The following UMAD1 variants were observed in gnomAD, a reference collection of about 807,000 sequenced individuals.
UMAD1 encodes the protein UBAP1-MVB12-associated (UMA)-domain containing protein 1.
A neutral mutation model predicts 6.1 loss-of-function variants in UMAD1; 8 were observed. The ratio of observed to expected loss-of-function variants is 1.30; its 90% confidence interval spans 0.76 to 2.35. UMAD1 has a LOEUF of 2.35. Among genes scored for constraint, UMAD1 ranks in the 30% most tolerant of loss-of-function variants. UMAD1 has a pLI of 0.00. For synonymous variants in UMAD1, 56 were observed against 31.4 expected (o/e 1.78, Z -2.61); for missense variants, 130 against 78.4 (o/e 1.66, Z -2.49).
intron 2 of UMAD1, among the ~76,000 whole-genome samples, chr7:7,708,308 T>C (rs28912693): frequency 2.0e-5 from 3 of 152,218 alleles, no homozygotes; most frequent in Non-Finnish European, 2.9e-5. Context: ...GTTTACTAGT[T>C]AATGTTGAAT....
intron 3 of UMAD1, among the ~76,000 whole-genome samples, chr7:7,808,788 C>T (rs1165709464): frequency 6.6e-6 from 1 of 151,860 alleles, no homozygotes; most frequent in Non-Finnish European, 1.5e-5. Context: ...CCCCACAAAA[C>T]CATAATTCCA....
At chr7:7,681,216 A>G (rs149906802) in intron 2 of UMAD1, among the ~76,000 whole-genome samples, 1 of 152,232 alleles carries the variant, frequency 6.6e-6, no homozygotes, top group Non-Finnish European at 1.5e-5. Context: ...ATGTTGTTTA[A>G]GCTATAAATT....
chr7:7,692,587 T>C (rs1780198201), intron 2 of UMAD1: 1 of 152,196 alleles, frequency 6.6e-6, no homozygotes, highest in African/African-American at 2.4e-5. Flanking sequence ...TAATTTATCA[T>C]CAAAACACAA....
chr7:7,676,190 T>C (rs1779733916), intron 2 of UMAD1: 1 of 398,676 alleles, frequency 2.5e-6, no homozygotes, highest in Non-Finnish European at 4.4e-6. Flanking sequence ...CTCCACGACT[T>C]ACTCTCTACC....
At chr7:7,845,912 G>A (rs1055926554) in intron 3 of UMAD1, among the ~76,000 whole-genome samples, 1 of 152,008 alleles carries the variant, frequency 6.6e-6, no homozygotes, top group Non-Finnish European at 1.5e-5. Context: ...AAGGCCTCCA[G>A]GCTATGTATT....
At chr7:7,720,414 C>G (rs544125449) in intron 2 of UMAD1, among the ~76,000 whole-genome samples, 3 of 152,190 alleles carry the variant, frequency 2.0e-5, no homozygotes, top group Admixed American at 1.3e-4. Flanking sequence ...GTGTCCCAGG[C>G]ATCTGTGTTT....
rs150411259 is a variant in UMAD1 at position 7,835,462 on chromosome 7, C to CTTTTTTTTTTTTTTTTTTTTTTT, written c.156+33735_156+33757dup. On this transcript the variant is annotated intron_variant, in intron 3 of 3. Transcript: ENST00000682710. ...CATTCATTCACTCATTGAAACAGCA[C>CTTTTTTTTTTTTTTTTTTTTTTT]TTTTTTTTTTTTTTTTTTTTTTTTT... 5.9e-5 allele frequency among the ~76,000 whole-genome samples: 2 copies of CTTTTTTTTTTTTTTTTTTTTTTT among 33,684 alleles called. 1 individual carries two copies. The highest frequency in any genetic ancestry group is 2.0e-4 in the African/African-American group (2 of 9,826). The allele number at this position is 33,684 out of a possible 152,430, so 22.1% of individuals were successfully genotyped here.
At chr7:7,742,674 G>T (rs1037558719) in intron 2 of UMAD1, 3 of 256,942 alleles carry the variant, frequency 1.2e-5, no homozygotes, top group Non-Finnish European at 1.6e-5. Flanking sequence ...TGCCAACTAA[G>T]AATAAAATAA....
chr7:7,684,171 A>G (rs1171894169), intron 2 of UMAD1, among the ~76,000 whole-genome samples: 1 of 152,174 alleles, frequency 6.6e-6, no homozygotes, highest in African/African-American at 2.4e-5. Flanking sequence ...AATAATGACA[A>G]GAAAAGAAGC....
At chr7:7,733,723 T>C (rs371848608) in intron 2 of UMAD1, among the ~76,000 whole-genome samples, 1 of 151,442 alleles carries the variant, frequency 6.6e-6, no homozygotes, top group African/African-American at 2.4e-5. Context: ...TTATTTATAA[T>C]AATATATGAC....
At chr7:7,770,272 A>C (rs566228392) in intron 2 of UMAD1, among the ~76,000 whole-genome samples, 4 of 152,142 alleles carry the variant, frequency 2.6e-5, no homozygotes, top group Non-Finnish European at 5.9e-5. Context: ...CCCCAGAGGC[A>C]AGTGCATCTA....
chr7:7,704,048 T>G (rs1162571799), intron 2 of UMAD1, among the ~76,000 whole-genome samples: 1 of 152,178 alleles, frequency 6.6e-6, no homozygotes, highest in Admixed American at 6.6e-5. Context: ...GGAGATACTT[T>G]GATGGAATCC....
intron 1 of UMAD1, among the ~76,000 whole-genome samples, chr7:7,650,475 G>A (rs1400644230): frequency 6.6e-6 from 1 of 152,116 alleles, no homozygotes; most frequent in African/African-American, 2.4e-5. Context: ...GTTTTAAATT[G>A]TGATTTTGCT....
intron 3 of UMAD1, among the ~76,000 whole-genome samples, chr7:7,872,095 T>A (rs1316302216): frequency 2.0e-5 from 3 of 146,822 alleles, no homozygotes; most frequent in African/African-American, 7.6e-5. Flanking sequence ...AAATAAAAAA[T>A]AAAAAATAAA....
At chr7:7,707,738 C>T (rs369574763) in intron 2 of UMAD1, among the ~76,000 whole-genome samples, 3 of 152,104 alleles carry the variant, frequency 2.0e-5, no homozygotes, top group African/African-American at 4.8e-5. Flanking sequence ...TTTTAAAAAT[C>T]GGCCAAGGTA....
chr7:7,761,558 A>G (rs1056599823), intron 2 of UMAD1, among the ~76,000 whole-genome samples: 3 of 152,270 alleles, frequency 2.0e-5, no homozygotes, highest in South Asian at 2.1e-4. Context: ...GAGTAATAGG[A>G]CTTGGTAACG....
At chr7:7,767,919 G>A (rs1340780120) in intron 2 of UMAD1, among the ~76,000 whole-genome samples, 4 of 152,242 alleles carry the variant, frequency 2.6e-5, no homozygotes, top group Non-Finnish European at 5.9e-5. Flanking sequence ...TTCATTCTAG[G>A]AATTAGCTGT....
chr7:7,809,534 C>CTTA (rs1460448726), intron 3 of UMAD1, among the ~76,000 whole-genome samples: 2 of 151,974 alleles, frequency 1.3e-5, no homozygotes, highest in African/African-American at 4.8e-5. Flanking sequence ...CCCTTACGTG[C>CTTA]TTATCTTTTT....
At chr7:7,654,922 G>A (rs536688144) in intron 1 of UMAD1, among the ~76,000 whole-genome samples, 4 of 149,538 alleles carry the variant, frequency 2.7e-5, no homozygotes, top group Non-Finnish European at 5.9e-5. Context: ...AAAAAAATTT[G>A]TGATATTTTT....
Sources: gnomAD v4.1 joint callset for allele counts (sites outside exome capture counted in the v4.1 genomes callset) on GRCh38, gnomAD v4.1.1 for gene constraint, MANE v1.5 for transcripts, NCBI Gene and HGNC (gene_info 2026-07-23, HGNC 2026-07-21) for gene names.